NFIB: variants seen among roughly 807,000 people sequenced by gnomAD.
NFIB encodes nuclear factor I B, also known as nuclear factor 1 B-type.
NFIB carries 11 observed loss-of-function variants against 61.5 expected under a neutral mutation model. The ratio of observed to expected loss-of-function variants is 0.18; its 90% confidence interval spans 0.11 to 0.30. The LOEUF (loss-of-function observed/expected upper bound fraction) is 0.30, where lower values mean the gene tolerates loss of function less well. Ranked by LOEUF, NFIB falls within the 10% of genes least tolerant of loss-of-function variation. The pLI is 1.00. For synonymous variants in NFIB, 260 were observed against 216.5 expected, an observed-to-expected ratio of 1.20 and a Z score of -1.76; for missense variants, 471 against 608.9, an observed-to-expected ratio of 0.77 and a Z score of 2.38.
chr9:14,139,720 C>A (rs2041469868), intron 6 of NFIB, among the ~76,000 whole-genome samples: 1 of 152,116 alleles, frequency 6.6e-6, no homozygotes, highest in Non-Finnish European at 1.5e-5. Flanking sequence ...GATTAGAACA[C>A]ATGAAGGGGG....
At chr9:14,091,844 A>T (rs1220458250) in intron 10 of NFIB, among the ~76,000 whole-genome samples, 1 of 152,120 alleles carries the variant, frequency 6.6e-6, no homozygotes, top group Non-Finnish European at 1.5e-5. Context: ...ATAGTACCTT[A>T]ACACAAAGTA....
At chr9:14,164,405 A>G (rs976336469) in intron 3 of NFIB, among the ~76,000 whole-genome samples, 1 of 152,098 alleles carries the variant, frequency 6.6e-6, no homozygotes, top group Admixed American at 6.6e-5. Context: ...ACAAACCTGT[A>G]TAGCATACTA....
intron 2 of NFIB, among the ~76,000 whole-genome samples, chr9:14,247,193 C>G (rs2055033172): frequency 6.6e-6 from 1 of 152,208 alleles, no homozygotes; most frequent in South Asian, 2.1e-4. Flanking sequence ...CCCAAGCTGA[C>G]TAGGACTTAT....
intron 1 of NFIB, among the ~76,000 whole-genome samples, chr9:14,367,323 G>A (rs1050094898): frequency 4.6e-5 from 7 of 152,044 alleles, no homozygotes; most frequent in Non-Finnish European, 1.0e-4. Context: ...GAAAGGCTAG[G>A]AAAGGCTTTT....
chr9:14,295,027 T>C (rs2059340923), intron 2 of NFIB, among the ~76,000 whole-genome samples: 1 of 152,188 alleles, frequency 6.6e-6, no homozygotes, highest in South Asian at 2.1e-4. Context: ...TCGTAAGAAG[T>C]AAATGTTGTA....
the NFIB span, among the ~76,000 whole-genome samples, chr9:14,443,579 T>C: frequency 6.6e-5 from 10 of 152,204 alleles, no homozygotes; most frequent in African/African-American, 2.4e-4. Context: ...CCATTTATTC[T>C]AACCTGGCCC....
chr9:14,376,518 A>AT (rs35781223), intron 1 of NFIB, among the ~76,000 whole-genome samples: 21,518 of 141,180 alleles, frequency 0.15, 1,863 homozygotes, highest in Middle Eastern at 0.29. Flanking sequence ...TAAAAGTGTC[A>AT]TTTTTTTTTT....
At chr9:14,229,545 G>C (rs1456261396) in intron 2 of NFIB, among the ~76,000 whole-genome samples, 1 of 152,162 alleles carries the variant, frequency 6.6e-6, no homozygotes, top group Non-Finnish European at 1.5e-5. Flanking sequence ...AATAATGTAT[G>C]TAAAGTTTGT....
intron 1 of NFIB, chr9:14,321,887 T>C: frequency 8.1e-7 from 1 of 1,231,242 alleles, no homozygotes; most frequent in Non-Finnish European, 1.0e-6. Context: ...TAGGAGGGGG[T>C]GCAAAGAACG....
At chr9:14,440,539 A>G in the NFIB span, among the ~76,000 whole-genome samples, 53,420 of 152,136 alleles carry the variant, frequency 0.35, 10,655 homozygotes, top group Admixed American at 0.5. Flanking sequence ...TAGAGCCACA[A>G]TCTCTCCTGA....
chr9:14,513,560 G>A, the NFIB span, among the ~76,000 whole-genome samples: 11 of 151,388 alleles, frequency 7.3e-5, no homozygotes, highest in East Asian at 1.9e-3. Context: ...CTCGGGAGCC[G>A]GAGGGTGCAG....
chr9:14,347,146 G>A (rs1374336007), intron 1 of NFIB, among the ~76,000 whole-genome samples: 1 of 119,750 alleles, frequency 8.4e-6, no homozygotes, highest in East Asian at 2.1e-4. Context: ...GGAAGGGTGG[G>A]ATCTTAAAAA....
chr9:14,460,533 C>T, the NFIB span, among the ~76,000 whole-genome samples: 3 of 151,802 alleles, frequency 2.0e-5, no homozygotes, highest in South Asian at 2.1e-4. Flanking sequence ...AAAAAGAGGG[C>T]TATTTCTGTT....
At chr9:14,442,681 C>G in the NFIB span, among the ~76,000 whole-genome samples, 322 of 152,154 alleles carry the variant, frequency 2.1e-3, 1 homozygote, top group African/African-American at 7.5e-3. Context: ...TGTCTGTCTC[C>G]GTGTCAGACT....
chr9:14,411,845 A>C, the NFIB span, among the ~76,000 whole-genome samples: 3 of 152,162 alleles, frequency 2.0e-5, no homozygotes, highest in Admixed American at 2.0e-4. Context: ...ACTAGGTATA[A>C]AAAACACTGT....
intron 2 of NFIB, among the ~76,000 whole-genome samples, chr9:14,194,315 T>G (rs1464331522): frequency 1.3e-5 from 2 of 152,134 alleles, no homozygotes; most frequent in Non-Finnish European, 2.9e-5. Context: ...GTGTGACAGG[T>G]AAGCTAAGAG....
At position 14,088,188 on chromosome 9, in the gene NFIB, C is replaced by CT. The variant is rs752963732; in HGVS notation, c.*120dup. On this transcript the variant is annotated 3_prime_UTR_variant, in exon 11 of 11. Coordinates refer to ENST00000380953, the MANE Select transcript of NFIB (RefSeq NM_001190737.2). Reference sequence around the variant, plus strand: ...AATTTCTTAAACTATTGTTGTGTTTCTTTTTCCCTCAGTTGCTTGTTTCTG... The same window carrying CT: ...AATTTCTTAAACTATTGTTGTGTTTCTTTTTTCCCTCAGTTGCTTGTTTCTG... 1 of 1,487,864 alleles carries CT rather than the reference C, an allele frequency of 6.7e-7. No homozygotes were observed. The highest frequency in any genetic ancestry group is 1.4e-5 in the South Asian group (1 of 73,330). 92.2% of individuals were successfully genotyped at this position (1,487,864 alleles called of 1,614,324 possible).
At chr9:14,131,801 C>T (rs565001874) in intron 6 of NFIB, among the ~76,000 whole-genome samples, 4 of 152,202 alleles carry the variant, frequency 2.6e-5, no homozygotes, top group South Asian at 2.1e-4. Context: ...AAGTCGCTCC[C>T]GGGATAAATG....
chr9:14,453,344 T>C, the NFIB span, among the ~76,000 whole-genome samples: 2 of 152,344 alleles, frequency 1.3e-5, no homozygotes, highest in Admixed American at 6.5e-5. Flanking sequence ...AACCCACTCC[T>C]AGATAGGGAG....
Sources: allele counts gnomAD v4.1 joint callset (sites outside exome capture counted in the v4.1 genomes callset), GRCh38; gene constraint gnomAD v4.1.1; transcripts MANE v1.5; gene names NCBI Gene and HGNC (gene_info 2026-07-23, HGNC 2026-07-21).